The following PACS1 variants were observed in gnomAD, a reference collection of about 807,000 sequenced individuals.
The protein encoded by PACS1 is PACS-1.
A neutral mutation model predicts 115.0 loss-of-function variants in PACS1; 24 were observed. That is an observed-to-expected ratio of 0.21 (90% CI 0.15 to 0.29). The LOEUF (loss-of-function observed/expected upper bound fraction) is 0.29, where lower values mean the gene tolerates loss of function less well. Ranked by LOEUF, PACS1 falls within the 10% of genes least tolerant of loss-of-function variation. The probability of loss-of-function intolerance (pLI) is 1.00; values close to 1 mark genes in which losing one functional copy is unlikely to be tolerated. For missense variants in PACS1, 838 were observed against 1,251.2 expected (o/e 0.67, Z 4.98); for synonymous variants, 453 against 504.5 (o/e 0.90, Z 1.37).
chr11:66,207,624 C>T (rs897588943), intron 2 of PACS1, among the ~76,000 whole-genome samples: 7 of 152,162 alleles, frequency 4.6e-5, no homozygotes, highest in Admixed American at 1.3e-4. Flanking sequence ...CTATAGCACT[C>T]GAGCTTCCGG....
chr11:66,140,621 G>A (rs778207825), intron 1 of PACS1, among the ~76,000 whole-genome samples: 2 of 152,140 alleles, frequency 1.3e-5, no homozygotes, highest in South Asian at 4.1e-4. Context: ...GATACACAGC[G>A]AGTAGTGTCC....
intron 10 of PACS1, among the ~76,000 whole-genome samples, chr11:66,224,024 C>T (rs1339655679): frequency 6.6e-6 from 1 of 151,964 alleles, no homozygotes; most frequent in Non-Finnish European, 1.5e-5. Context: ...ATGGCAAAAC[C>T]CTGTTTCTAC....
At chr11:66,141,302 T>C (rs1858977817) in intron 1 of PACS1, among the ~76,000 whole-genome samples, 1 of 152,200 alleles carries the variant, frequency 6.6e-6, no homozygotes. Flanking sequence ...TTTCCTTTTT[T>C]TTCCCCAGAG....
chr11:66,204,676 T>G (rs975124168), intron 2 of PACS1, among the ~76,000 whole-genome samples: 5 of 152,056 alleles, frequency 3.3e-5, no homozygotes, highest in African/African-American at 1.2e-4. Flanking sequence ...TGGAGGACAT[T>G]ATGTTAAATG....
intron 1 of PACS1, among the ~76,000 whole-genome samples, chr11:66,101,879 G>A (rs945282905): frequency 4.6e-5 from 7 of 152,186 alleles, no homozygotes; most frequent in African/African-American, 1.7e-4. Context: ...GGCCCAGACA[G>A]TGACTGAAAT....
intron 1 of PACS1, among the ~76,000 whole-genome samples, chr11:66,115,502 A>G (rs1420025098): frequency 6.6e-6 from 1 of 152,206 alleles, no homozygotes; most frequent in Non-Finnish European, 1.5e-5. Context: ...GTATATGGAG[A>G]TGCACAAATA....
intron 2 of PACS1, among the ~76,000 whole-genome samples, chr11:66,200,784 G>C (rs1854770822): frequency 6.6e-6 from 1 of 151,874 alleles, no homozygotes; most frequent in Non-Finnish European, 1.5e-5. Flanking sequence ...CCGCACTATA[G>C]ACCAAATGGA....
intron 1 of PACS1, among the ~76,000 whole-genome samples, chr11:66,098,204 A>G (rs1375941966): frequency 6.6e-6 from 1 of 152,172 alleles, no homozygotes; most frequent in African/African-American, 2.4e-5. Flanking sequence ...TAAGAGTAAG[A>G]ATAATCAATA....
At chr11:66,228,531 G>A (rs1294022131) in intron 11 of PACS1, among the ~76,000 whole-genome samples, 1 of 152,192 alleles carries the variant, frequency 6.6e-6, no homozygotes, top group Admixed American at 6.5e-5. Flanking sequence ...CACGTGGCAA[G>A]TACAGTGTGG....
intron 1 of PACS1, among the ~76,000 whole-genome samples, chr11:66,126,831 G>A (rs111268380): frequency 1.5e-3 from 228 of 152,096 alleles, no homozygotes; most frequent in South Asian, 2.3e-3. Context: ...ATTTCTGGAG[G>A]CAGTAAAGAG....
chr11:66,123,075 A>G (rs541475259), intron 1 of PACS1, among the ~76,000 whole-genome samples: 1 of 152,180 alleles, frequency 6.6e-6, no homozygotes, highest in East Asian at 1.9e-4. Flanking sequence ...ATTGTCACAG[A>G]TACCCCAACC....
chr11:66,194,817 T>C (rs1854613595), intron 2 of PACS1, among the ~76,000 whole-genome samples: 1 of 152,254 alleles, frequency 6.6e-6, no homozygotes, highest in Non-Finnish European at 1.5e-5. Context: ...CTATATCACC[T>C]TCATTAAAAT....
At position 66,116,667 on chromosome 11, in the gene PACS1, T is replaced by TAGA. The variant is rs1858313453; in HGVS notation, c.356+45825_356+45826insAGA. Among the ~76,000 whole-genome samples the TAGA allele has an allele frequency of 1.1e-4, 16 of 152,050 alleles. 1 individual carries two copies. The highest frequency in any genetic ancestry group is 3.1e-4 in the African/African-American group (13 of 41,354). ...CAGCACTTTGGCTGAGGCAGGTGGA[T>TAGA]TACTTGAGCTCAGGAGTTCAAGACC... On this transcript the variant is annotated intron_variant, in intron 1 of 23. Transcript: ENST00000320580.
At chr11:66,217,214 C>T (rs866659398) in intron 7 of PACS1, 3 of 285,722 alleles carry the variant, frequency 1.0e-5, no homozygotes. Context: ...GCTCCTATGA[C>T]CCTGGGCTTG....
intron 1 of PACS1, among the ~76,000 whole-genome samples, chr11:66,146,582 G>A (rs1859129039): frequency 1.3e-5 from 2 of 152,026 alleles, no homozygotes; most frequent in South Asian, 2.1e-4. Context: ...CAACACACAT[G>A]TCACAGACTC....
chr11:66,181,316 G>A (rs558658290), intron 1 of PACS1, among the ~76,000 whole-genome samples: 35 of 151,792 alleles, frequency 2.3e-4, no homozygotes, highest in Middle Eastern at 3.4e-3. Flanking sequence ...GGGTTCAAAC[G>A]ATTCTTCTGC....
intron 1 of PACS1, among the ~76,000 whole-genome samples, chr11:66,120,362 G>T (rs947416657): frequency 3.3e-5 from 5 of 152,130 alleles, no homozygotes; most frequent in Non-Finnish European, 5.9e-5. Flanking sequence ...CTCCCAAAGT[G>T]CTAGGGTTAC....
intron 1 of PACS1, among the ~76,000 whole-genome samples, chr11:66,163,863 A>G (rs1200332705): frequency 6.6e-6 from 1 of 152,170 alleles, no homozygotes; most frequent in Non-Finnish European, 1.5e-5. Context: ...CTGATTATAC[A>G]ATGCTTTAAA....
chr11:66,123,601 A>T (rs1389009974), intron 1 of PACS1, among the ~76,000 whole-genome samples: 1 of 151,614 alleles, frequency 6.6e-6, no homozygotes, highest in Non-Finnish European at 1.5e-5. Flanking sequence ...GGCTCACTGC[A>T]AGCTCCACCT....
Sources: gnomAD v4.1 joint callset for allele counts (sites outside exome capture counted in the v4.1 genomes callset) on GRCh38, gnomAD v4.1.1 for gene constraint, MANE v1.5 for transcripts, NCBI Gene and HGNC (gene_info 2026-07-23, HGNC 2026-07-21) for gene names.